Variants in CD99L2 observed in about 807,000 individuals in gnomAD.
CD99L2 encodes the protein CD99 molecule like 2, also known as CD99 antigen-like protein 2.
Under a neutral mutation model 27.3 loss-of-function variants are expected in CD99L2, and 24 were observed. The ratio of observed to expected loss-of-function variants is 0.88; its 90% CI spans 0.64 to 1.24. CD99L2 has a LOEUF of 1.24. CD99L2 is among the 50% of genes most tolerant of loss of function. CD99L2 has a pLI of 0.00. For synonymous variants in CD99L2, 97 were observed against 87.9 expected (o/e 1.10, Z -0.58); for missense variants, 255 against 221.6 (o/e 1.15, Z -0.96).
At chrX:150,869,605 G>T (rs917015345) in intron 1 of CD99L2, among the ~76,000 whole-genome samples, 4 of 112,068 alleles carry the variant, frequency 3.6e-5, no homozygotes, top group Non-Finnish European at 7.5e-5. Context: ...CCTTCAGAGT[G>T]CCCTGAGTGG....
At chrX:150,799,509 G>C (rs2045869444) in intron 4 of CD99L2, among the ~76,000 whole-genome samples, 1 of 100,189 alleles carries the variant, frequency 1.0e-5, no homozygotes, top group African/African-American at 3.9e-5. Context: ...GCAAGACCCT[G>C]TCTCAAAAAA....
intron 9 of CD99L2, among the ~76,000 whole-genome samples, chrX:150,773,002 G>A (rs1361651355): frequency 2.7e-5 from 3 of 112,558 alleles, no homozygotes; most frequent in Admixed American, 9.3e-5. Context: ...ACACTGGCCC[G>A]TTTTAGGAAA....
At chrX:150,889,943 G>A (rs2047477231) in intron 1 of CD99L2, among the ~76,000 whole-genome samples, 1 of 107,916 alleles carries the variant, frequency 9.3e-6, no homozygotes, top group South Asian at 4.0e-4. Context: ...ACAAGGTCAG[G>A]AGATCGAGAC....
intron 7 of CD99L2, among the ~76,000 whole-genome samples, chrX:150,785,662 A>C (rs1557419539): frequency 9.1e-6 from 1 of 110,251 alleles, no homozygotes; most frequent in Non-Finnish European, 1.9e-5. Context: ...CACACACCTA[A>C]CCCCCGCAGC....
At chrX:150,795,143 G>C in intron 6 of CD99L2, 63 bp downstream of exon 6, 1 of 1,153,984 alleles carries the variant, frequency 8.7e-7, no homozygotes, top group Non-Finnish European at 1.2e-6. Context: ...CCAGGCCCAA[G>C]CTGGCTCTGG....
intron 6 of CD99L2, among the ~76,000 whole-genome samples, chrX:150,794,325 C>T (rs1020328700): frequency 8.9e-6 from 1 of 111,788 alleles, no homozygotes; most frequent in Non-Finnish European, 1.9e-5. Flanking sequence ...CAACTTCAGA[C>T]GAGACCCCAG....
At chrX:150,844,301 T>C (rs1396678472) in intron 1 of CD99L2, among the ~76,000 whole-genome samples, 1 of 112,404 alleles carries the variant, frequency 8.9e-6, no homozygotes, top group Non-Finnish European at 1.9e-5. Flanking sequence ...CACACCTCCC[T>C]GTCTACCATG....
chrX:150,848,119 C>T lies in CD99L2; in HGVS notation c.68-16826G>A, dbSNP rs919233765. ...CTAACTATGGCCTGCAGGCCCCCCC[C>T]CCCTTGTACTATACCTCTCACAGTA... On this transcript the variant is annotated intron_variant, in intron 1 of 10. Coordinates refer to ENST00000370377, the MANE Select transcript of CD99L2 (RefSeq NM_031462.4). Among the ~76,000 whole-genome samples the T allele has an allele frequency of 1.6e-4, 17 of 107,339 alleles. 1 individual carries two copies. The highest frequency in any genetic ancestry group is 4.8e-4 in the African/African-American group (14 of 29,145). 93.2% of individuals were successfully genotyped at this position (107,339 alleles called of 115,157 possible). A position where few individuals can be genotyped will look rare whatever the true frequency, so the allele number is the denominator to read the frequency against.
At chrX:150,887,599 A>G (rs2047434666) in intron 1 of CD99L2, among the ~76,000 whole-genome samples, 1 of 111,507 alleles carries the variant, frequency 9.0e-6, no homozygotes, top group Non-Finnish European at 1.9e-5. Flanking sequence ...ACCTACACTC[A>G]GCAAGCTCCT....
chrX:150,808,992 G>A (rs782257566), intron 4 of CD99L2, among the ~76,000 whole-genome samples: 93 of 111,181 alleles, frequency 8.4e-4, no homozygotes, highest in Non-Finnish European at 1.3e-3. Flanking sequence ...GAGATTTGAA[G>A]CAAAGGTAAG....
intron 3 of CD99L2, among the ~76,000 whole-genome samples, chrX:150,815,347 T>A (rs183273248): frequency 3.9e-4 from 43 of 111,643 alleles, no homozygotes; most frequent in Non-Finnish European, 4.1e-4. Context: ...TGTGGAAATG[T>A]GAAGAAATGA....
chrX:150,794,996 G>T (rs1201653355), intron 6 of CD99L2, among the ~76,000 whole-genome samples: 1 of 112,584 alleles, frequency 8.9e-6, no homozygotes, highest in Admixed American at 9.4e-5. Flanking sequence ...ATTCTAAGAT[G>T]ATGAGTATTG....
intron 7 of CD99L2, among the ~76,000 whole-genome samples, chrX:150,789,724 A>G (rs782067624): frequency 1.8e-5 from 2 of 111,145 alleles, no homozygotes; most frequent in Non-Finnish European, 3.8e-5. Context: ...ATCCCTACAA[A>G]AATTTTAAAA....
chrX:150,790,010 G>A (rs983735156), intron 7 of CD99L2, among the ~76,000 whole-genome samples: 23 of 111,978 alleles, frequency 2.1e-4, no homozygotes, highest in African/African-American at 5.8e-4. Flanking sequence ...ATTGTTCAAT[G>A]CTAAAAAGAA....
Position 150,870,069 on chromosome X carries a change from C to T in CD99L2, c.67+28453G>A, listed in dbSNP as rs781844624. ...TATGGTAATTCTGAGCAATCTTGCT[C>T]TTGAGATTAAAGAACAGCCTGCCAG... is the stretch of plus-strand genomic sequence containing the variant. On this transcript the variant is annotated intron_variant, in intron 1 of 10. Transcript: ENST00000370377. 2.7e-5 allele frequency among the ~76,000 whole-genome samples: 3 copies of T among 111,757 alleles called. No homozygotes were observed. In the East Asian group the frequency reaches 8.4e-4, roughly 31 times the overall value.
In CD99L2 at chrX:150,895,178, G is replaced by A. The variant is rs781885558; in HGVS notation, c.67+3344C>T. 7.2e-5 allele frequency among the ~76,000 whole-genome samples: 8 copies of A among 111,298 alleles called. No homozygotes were observed. The South Asian group carries it at 2.3e-3, about 32-fold the overall frequency. On this transcript the variant is annotated intron_variant, in intron 1 of 10. Coordinates refer to ENST00000370377, the MANE Select transcript of CD99L2 (RefSeq NM_031462.4). ...TCGGGGTAATGTGGCGAGGCAGAGG[G>A]CCTGGCATATAGGTGTTCCAGAAAT...
chrX:150,855,133 T>C (rs782401128), intron 1 of CD99L2, among the ~76,000 whole-genome samples: 16 of 111,895 alleles, frequency 1.4e-4, no homozygotes, highest in Non-Finnish European at 2.6e-4. Context: ...CTGTGGTTTG[T>C]ACTGTGTCTC....
chrX:150,776,070 T>C (rs2043546971), intron 9 of CD99L2, 104 bp downstream of exon 9: 2 of 1,022,131 alleles, frequency 2.0e-6, no homozygotes, highest in South Asian at 2.4e-5. Flanking sequence ...TGCTTGGGAG[T>C]GGGTCTCAGG....
chrX:150,857,486 C>T (rs141763881), intron 1 of CD99L2, among the ~76,000 whole-genome samples: 2,020 of 110,914 alleles, frequency 0.018, 18 homozygotes, highest in Middle Eastern at 0.028. Context: ...AATCTGCCAT[C>T]CAAGGATACT....
Sources: gnomAD v4.1 joint callset for allele counts (sites outside exome capture counted in the v4.1 genomes callset) on GRCh38, gnomAD v4.1.1 for gene constraint, MANE v1.5 for transcripts, NCBI Gene and HGNC (gene_info 2026-07-23, HGNC 2026-07-21) for gene names.